The following CSMD3 variants were observed in gnomAD, a reference collection of about 807,000 sequenced individuals.
CSMD3 encodes the protein CUB and Sushi multiple domains 3.
CSMD3 carries 177 observed loss-of-function variants against 435.2 expected under a neutral mutation model. That is an observed-to-expected ratio of 0.41 (90% CI 0.36 to 0.46). CSMD3 has a LOEUF of 0.46. Among genes scored for constraint, CSMD3 ranks in the 20% least tolerant of loss-of-function variants. The pLI, the probability that CSMD3 is intolerant of heterozygous loss-of-function variation, is 0.34. For missense variants in CSMD3, 4,265 were observed against 4,504.6 expected (o/e 0.95, Z 1.52); for synonymous variants, 1,656 against 1,520.5 (o/e 1.09, Z -2.07).
At chr8:113,213,589 A>C (rs890193847) in intron 3 of CSMD3, among the ~76,000 whole-genome samples, 15 of 152,046 alleles carry the variant, frequency 9.9e-5, no homozygotes, top group African/African-American at 3.6e-4. Flanking sequence ...ATCAGAGAAT[A>C]AACTCTTCAG....
At chr8:112,702,991 TC>T (rs1456444798) in intron 13 of CSMD3, among the ~76,000 whole-genome samples, 4 of 152,160 alleles carry the variant, frequency 2.6e-5, no homozygotes, top group Non-Finnish European at 5.9e-5. Flanking sequence ...CTGCAGGGTT[TC>T]TTAATGATAC....
At chr8:112,377,232 C>T (rs753868439) in intron 38 of CSMD3, among the ~76,000 whole-genome samples, 20 of 150,964 alleles carry the variant, frequency 1.3e-4, no homozygotes, top group Non-Finnish European at 2.7e-4. Context: ...AATTACACAC[C>T]GAAAAATTGA....
At chr8:112,600,353 T>C in intron 22 of CSMD3, among the ~76,000 whole-genome samples, 1 of 152,154 alleles carries the variant, frequency 6.6e-6, no homozygotes, top group East Asian at 1.9e-4. Flanking sequence ...GTTTTCATTA[T>C]TTTTTGAATA....
intron 13 of CSMD3, among the ~76,000 whole-genome samples, chr8:112,707,363 G>A (rs1336085322): frequency 1.3e-5 from 2 of 151,712 alleles, no homozygotes; most frequent in East Asian, 3.9e-4. Flanking sequence ...TGTTGATACT[G>A]TGTTAGTCCT....
intron 3 of CSMD3, among the ~76,000 whole-genome samples, chr8:113,216,566 C>T (rs1220387249): frequency 1.3e-5 from 2 of 151,724 alleles, no homozygotes; most frequent in Non-Finnish European, 2.9e-5. Context: ...TAAATGGTAC[C>T]AAACATATTC....
At chr8:112,717,085 A>G (rs1321552432) in intron 13 of CSMD3, among the ~76,000 whole-genome samples, 1 of 152,210 alleles carries the variant, frequency 6.6e-6, no homozygotes, top group Non-Finnish European at 1.5e-5. Context: ...TAATTAAGCT[A>G]AAGAGCTTCT....
intron 51 of CSMD3, among the ~76,000 whole-genome samples, chr8:112,305,431 G>T (rs1475291203): frequency 6.6e-6 from 1 of 151,980 alleles, no homozygotes; most frequent in Non-Finnish European, 1.5e-5. Flanking sequence ...TCGAAATATA[G>T]AGAAAATTCA....
intron 12 of CSMD3, among the ~76,000 whole-genome samples, chr8:112,815,411 G>A (rs1055226719): frequency 6.6e-5 from 10 of 152,082 alleles, no homozygotes; most frequent in African/African-American, 2.2e-4. Context: ...TTAGAAAACT[G>A]AATTTGAAGG....
intron 13 of CSMD3, among the ~76,000 whole-genome samples, chr8:112,719,330 G>C (rs1450684494): frequency 6.6e-6 from 1 of 152,126 alleles, no homozygotes; most frequent in Non-Finnish European, 1.5e-5. Flanking sequence ...AAAAAGGCAA[G>C]GAAAGAAAGA....
chr8:113,296,291 T>TCTAATA (rs373116266), intron 2 of CSMD3, among the ~76,000 whole-genome samples: 1 of 146,228 alleles, frequency 6.8e-6, no homozygotes, highest in Admixed American at 6.9e-5. Flanking sequence ...GAACTTAAAG[T>TCTAATA]ATAATAATAA....
intron 22 of CSMD3, among the ~76,000 whole-genome samples, chr8:112,635,133 G>A (rs375002694): frequency 3.4e-4 from 51 of 152,128 alleles, no homozygotes; most frequent in African/African-American, 1.2e-3. Flanking sequence ...TAAGTTGACA[G>A]GCTGGAGAGA....
intron 32 of CSMD3, among the ~76,000 whole-genome samples, chr8:112,410,910 C>A (rs1811259753): frequency 1.3e-5 from 2 of 150,096 alleles, no homozygotes; most frequent in African/African-American, 4.9e-5. Flanking sequence ...AGCACACTGC[C>A]CAAAAAGGCT....
At position 112,293,767 on chromosome 8, in the gene CSMD3, G is replaced by A. The variant is rs577465916; in HGVS notation, c.8615-1057C>T. ...ATTAATCAGAGCAACTTCAGTAATA[G>A]TGCTTCCTAATTGGGCACAGGAAAC... On this transcript the variant is annotated intron_variant, in intron 54 of 70. Transcript: ENST00000297405. Among the ~76,000 whole-genome samples, 3 of 152,104 alleles carry A rather than the reference G, an allele frequency of 2.0e-5. No individual in the cohort carries two copies. In the South Asian group the frequency reaches 6.2e-4, roughly 32 times the overall value.
intron 1 of CSMD3, among the ~76,000 whole-genome samples, chr8:113,434,858 C>G (rs2094695894): frequency 6.6e-6 from 1 of 152,178 alleles, no homozygotes; most frequent in African/African-American, 2.4e-5. Flanking sequence ...TAATGCTCGC[C>G]CCGCTTCGGA....
chr8:113,058,608 C>A (rs796764635), intron 5 of CSMD3, among the ~76,000 whole-genome samples: 1 of 151,832 alleles, frequency 6.6e-6, no homozygotes, highest in Non-Finnish European at 1.5e-5. Context: ...AAATAATACA[C>A]TTAAAGATGC....
chr8:113,154,862 T>C (rs545557730), intron 4 of CSMD3, among the ~76,000 whole-genome samples: 47 of 152,156 alleles, frequency 3.1e-4, no homozygotes, highest in African/African-American at 1.0e-3. Context: ...TCTGCTGCCA[T>C]AACTGTTAAG....
chr8:112,899,662 TACACAC>T (rs60352918), intron 10 of CSMD3, among the ~76,000 whole-genome samples: 16 of 121,680 alleles, frequency 1.3e-4, no homozygotes, highest in South Asian at 2.8e-4. Context: ...CGCAAATACA[TACACAC>T]ACACACACAC....
At chr8:112,558,382 G>C (rs146327819) in intron 24 of CSMD3, among the ~76,000 whole-genome samples, 4 of 151,850 alleles carry the variant, frequency 2.6e-5, no homozygotes, top group East Asian at 3.9e-4. Context: ...GAACAAACAG[G>C]CTTGCTGGGT....
At chr8:113,295,197 T>C (rs964015184) in intron 2 of CSMD3, among the ~76,000 whole-genome samples, 14 of 152,172 alleles carry the variant, frequency 9.2e-5, no homozygotes, top group Non-Finnish European at 1.5e-4. Context: ...ATTATACTCT[T>C]ATAGTTATTT....
Sources: allele counts gnomAD v4.1 joint callset (sites outside exome capture counted in the v4.1 genomes callset), GRCh38; gene constraint gnomAD v4.1.1; transcripts MANE v1.5; gene names NCBI Gene and HGNC (gene_info 2026-07-23, HGNC 2026-07-21).